CCBE1: variants seen among roughly 807,000 people sequenced by gnomAD.
The protein encoded by CCBE1 is collagen and calcium binding EGF domains 1, also known as collagen and calcium-binding EGF domain-containing protein 1.
In CCBE1, 37 loss-of-function variants were observed where a neutral mutation model predicts 50.0. The observed-to-expected ratio is 0.74, with a 90% CI of 0.57 to 0.97. The LOEUF is 0.97. CCBE1 is among the 50% of genes least tolerant of loss of function. The probability of loss-of-function intolerance (pLI) is 0.00; values close to 1 mark genes in which losing one functional copy is unlikely to be tolerated. For synonymous variants in CCBE1, 234 were observed against 203.7 expected (o/e 1.15, Z -1.27); for missense variants, 538 against 523.8 (o/e 1.03, Z -0.26).
rs1274462597 is a variant in CCBE1 at position 59,697,213 on chromosome 18, T to C, written c.130A>G (p.Arg44Gly). ...TYREEPEDGDREICSESKIAT... is the reference protein window; with the variant it reads ...TYREEPEDGDGEICSESKIAT... ...TCCGCTGGGGCTTGCAGCGCTTACC[T>C]GTCGCCGTCCTCCGGCTCCTCTCTG... The change falls in exon 1 of 11, where the codon AGA (arginine) becomes GGA (glycine). Residue 44 changes from arginine to glycine, a missense_variant and splice_region_variant. Arg to Gly is a moderately radical substitution (Grantham distance 125, BLOSUM62 -2). Coordinates refer to ENST00000439986, the MANE Select transcript of CCBE1 (RefSeq NM_133459.4). 1.3e-6 allele frequency: 2 copies of C among 1,548,588 alleles called. No individual in the cohort carries two copies. The highest frequency in any genetic ancestry group is 8.7e-7 in the Non-Finnish European group (1 of 1,146,704).
At chr18:59,643,191 G>T (rs537965736) in intron 2 of CCBE1, among the ~76,000 whole-genome samples, 1 of 151,968 alleles carries the variant, frequency 6.6e-6, no homozygotes, top group African/African-American at 2.4e-5. Flanking sequence ...CCAATTGCAC[G>T]TTTCATGTTA....
chr18:59,478,064 T>C (rs1281042014), intron 3 of CCBE1, among the ~76,000 whole-genome samples: 14 of 152,034 alleles, frequency 9.2e-5, no homozygotes, highest in Admixed American at 9.2e-4. Flanking sequence ...CAGGTGAAGG[T>C]CTTAATAGAA....
intron 2 of CCBE1, chr18:59,688,052 T>TA (rs2054680902): frequency 3.9e-5 from 6 of 152,238 alleles, no homozygotes; most frequent in Admixed American, 3.9e-4. Flanking sequence ...TGGAAAAATA[T>TA]AAAGTTATAA....
intron 9 of CCBE1, among the ~76,000 whole-genome samples, chr18:59,438,667 G>A (rs1407418585): frequency 6.6e-6 from 1 of 152,234 alleles, no homozygotes; most frequent in Non-Finnish European, 1.5e-5. Context: ...CCTATGAGTG[G>A]TTGTGGTGGT....
At chr18:59,543,169 G>A (rs573954505) in intron 2 of CCBE1, among the ~76,000 whole-genome samples, 35 of 152,224 alleles carry the variant, frequency 2.3e-4, no homozygotes, top group African/African-American at 7.5e-4. Context: ...GCAGAGTCCA[G>A]GGCCCCACCC....
At chr18:59,537,606 C>T (rs1159425980) in intron 2 of CCBE1, among the ~76,000 whole-genome samples, 3 of 152,134 alleles carry the variant, frequency 2.0e-5, no homozygotes. Flanking sequence ...AACTCTTTTT[C>T]CTTATAAATT....
intron 3 of CCBE1, among the ~76,000 whole-genome samples, chr18:59,472,872 A>C (rs1010320549): frequency 6.6e-6 from 1 of 152,238 alleles, no homozygotes; most frequent in Non-Finnish European, 1.5e-5. Flanking sequence ...GCAAATGAGC[A>C]AAGTCATGTC....
rs1225685349 is a variant in CCBE1 at position 59,433,870 on chromosome 18, GCATGAGCCAC to G, written c.*2028_*2037del. 3 of 131,516 alleles carry G rather than the reference GCATGAGCCAC, an allele frequency of 2.3e-5. No individual in the cohort carries two copies. The highest frequency in any genetic ancestry group is 4.6e-5 in the Non-Finnish European group (3 of 64,798). 8.1% of individuals were successfully genotyped at this position (131,516 alleles called of 1,614,324 possible). A position where few individuals can be genotyped will look rare whatever the true frequency, so the allele number is the denominator to read the frequency against. ...GCCTCCCAAAGTGCTGGGATTACAG[GCATGAGCCAC>G]CAAGCCCGGCCTTTTTTTTTTTTTT... is the stretch of plus-strand genomic sequence containing the variant. On this transcript the variant is annotated 3_prime_UTR_variant, in exon 11 of 11. Transcript: ENST00000439986.
intron 2 of CCBE1, among the ~76,000 whole-genome samples, chr18:59,534,268 C>A (rs570970201): frequency 4.7e-4 from 72 of 152,264 alleles, no homozygotes; most frequent in African/African-American, 1.7e-3. Context: ...AAAACCTTTG[C>A]TAGAATTTTA....
At chr18:59,482,048 G>A (rs773114891) in intron 2 of CCBE1, among the ~76,000 whole-genome samples, 1 of 152,088 alleles carries the variant, frequency 6.6e-6, no homozygotes, top group Non-Finnish European at 1.5e-5. Context: ...CCCTCCCCTT[G>A]CTCCCCATCC....
rs1910243883 is a variant in CCBE1, at chr18:59,438,124, G to A, written c.974C>T (p.Pro325Leu). ...AGTGCTACTTACTGGAGACCCTCTG[G>A]GCCCAGGCGCTCCTCTCTCCCCCTA... is the stretch of plus-strand genomic sequence containing the variant. ...GSKGERGAPGPRGSPGPPGSF... is the reference protein window; with the variant it reads ...GSKGERGAPGLRGSPGPPGSF... Residue 325 changes from proline to leucine, a missense_variant, in exon 10 of 11, where the codon CCC (proline) becomes CTC (leucine). By Grantham distance (98) the Pro-to-Leu change is moderately conservative. Transcript: ENST00000439986. 1 of 1,613,946 alleles carries A rather than the reference G, an allele frequency of 6.2e-7. No homozygotes were observed. The highest frequency in any genetic ancestry group is 1.3e-5 in the African/African-American group (1 of 74,870).
intron 2 of CCBE1, among the ~76,000 whole-genome samples, chr18:59,663,613 G>A (rs2054315108): frequency 6.6e-6 from 1 of 151,992 alleles, no homozygotes; most frequent in Admixed American, 6.6e-5. Context: ...GAGTCAAGCA[G>A]AGCTGGGTAC....
intron 2 of CCBE1, among the ~76,000 whole-genome samples, chr18:59,484,618 A>G (rs9966402): frequency 6.6e-6 from 1 of 152,186 alleles, no homozygotes; most frequent in African/African-American, 2.4e-5. Context: ...TCAAAAGGCT[A>G]TGGAACTCCA....
chr18:59,555,085 G>T (rs182736066), intron 2 of CCBE1, among the ~76,000 whole-genome samples: 1 of 152,160 alleles, frequency 6.6e-6, no homozygotes, highest in Non-Finnish European at 1.5e-5. Context: ...GCATGTATGT[G>T]TCCTTCATGT....
At chr18:59,599,084 C>T (rs377441424) in intron 2 of CCBE1, among the ~76,000 whole-genome samples, 83 of 149,612 alleles carry the variant, frequency 5.5e-4, no homozygotes, top group Middle Eastern at 3.4e-3. Flanking sequence ...ACCCACCTTT[C>T]TTCTTCTACT....
intron 3 of CCBE1, among the ~76,000 whole-genome samples, chr18:59,472,480 G>A (rs985522666): frequency 1.1e-4 from 17 of 152,136 alleles, no homozygotes; most frequent in South Asian, 6.2e-4. Context: ...TCAATTTTGC[G>A]AATCTCTTCT....
At chr18:59,613,220 A>C (rs2053595876) in intron 2 of CCBE1, among the ~76,000 whole-genome samples, 2 of 152,092 alleles carry the variant, frequency 1.3e-5, no homozygotes, top group Admixed American at 6.6e-5. Context: ...CTACGCAACT[A>C]CATAGTAGCA....
chr18:59,677,884 A>C (rs1383128947), intron 2 of CCBE1, among the ~76,000 whole-genome samples: 1 of 152,232 alleles, frequency 6.6e-6, no homozygotes, highest in African/African-American at 2.4e-5. Flanking sequence ...ATATGTACAA[A>C]AAAATTAAGT....
chr18:59,631,216 A>C (rs1439984580), intron 2 of CCBE1, among the ~76,000 whole-genome samples: 7 of 150,976 alleles, frequency 4.6e-5, no homozygotes, highest in Admixed American at 4.6e-4. Context: ...GATCTGGAGA[A>C]AAAAAAAAGG....
Sources: gnomAD v4.1 joint callset for allele counts (sites outside exome capture counted in the v4.1 genomes callset) on GRCh38, gnomAD v4.1.1 for gene constraint, MANE v1.5 for transcripts, NCBI Gene and HGNC (gene_info 2026-07-23, HGNC 2026-07-21) for gene names.